The following SCARA5 variants were observed in gnomAD, a reference collection of about 807,000 sequenced individuals.
The protein encoded by SCARA5 is scavenger receptor class A, member 5 (putative).
In SCARA5, 45 loss-of-function variants were observed where a neutral mutation model predicts 46.3. The ratio of observed to expected loss-of-function variants is 0.97; its 90% confidence interval spans 0.76 to 1.24. The LOEUF is 1.24. Among genes scored for constraint, SCARA5 ranks in the 50% most tolerant of loss-of-function variants. The pLI is 0.00. For synonymous variants in SCARA5, 333 were observed against 306.5 expected (o/e 1.09, Z -0.90); for missense variants, 680 against 689.0 (o/e 0.99, Z 0.15).
At chr8:27,950,761 G>A (rs370970556) in intron 3 of SCARA5, among the ~76,000 whole-genome samples, 5 of 151,964 alleles carry the variant, frequency 3.3e-5, no homozygotes, top group African/African-American at 7.3e-5. Flanking sequence ...GCAATGCCTC[G>A]GAATCCAGTG....
intron 2 of SCARA5, among the ~76,000 whole-genome samples, chr8:27,977,948 C>T (rs906144314): frequency 7.9e-5 from 12 of 150,968 alleles, no homozygotes; most frequent in African/African-American, 2.7e-4. Flanking sequence ...AATTACATGT[C>T]AAAATGATAA....
intron 3 of SCARA5, among the ~76,000 whole-genome samples, chr8:27,929,283 T>C (rs1035763516): frequency 1.1e-4 from 16 of 142,240 alleles, no homozygotes; most frequent in African/African-American, 3.0e-4. Context: ...TCTTCTCTAA[T>C]TGTCCTTTAT....
chr8:27,956,321 G>C (rs1475640284), intron 3 of SCARA5, among the ~76,000 whole-genome samples: 1 of 152,096 alleles, frequency 6.6e-6, no homozygotes, highest in East Asian at 1.9e-4. Flanking sequence ...TATATAAAAG[G>C]AGAGAAAAGG....
At chr8:27,958,491 G>A (rs749448407) in intron 3 of SCARA5, among the ~76,000 whole-genome samples, 3 of 152,216 alleles carry the variant, frequency 2.0e-5, no homozygotes, top group Non-Finnish European at 4.4e-5. Flanking sequence ...AGGATACAAG[G>A]GGTGAAATGC....
chr8:27,882,400 G>A (rs931154387), intron 7 of SCARA5, among the ~76,000 whole-genome samples: 6 of 152,198 alleles, frequency 3.9e-5, no homozygotes, highest in African/African-American at 1.2e-4. Flanking sequence ...GCTCATTTGG[G>A]TAAATATCAA....
At chr8:27,979,750 A>C (rs7832350) in intron 2 of SCARA5, among the ~76,000 whole-genome samples, 1 of 151,712 alleles carries the variant, frequency 6.6e-6, no homozygotes, top group East Asian at 1.9e-4. Flanking sequence ...TAGTAGAGAC[A>C]GGGTTCCACC....
chr8:27,910,854 G>T (rs189487284), intron 4 of SCARA5, among the ~76,000 whole-genome samples: 1 of 152,336 alleles, frequency 6.6e-6, no homozygotes, highest in East Asian at 1.9e-4. Context: ...CTCCAGGCTG[G>T]GTCTCCCATG....
intron 1 of SCARA5, among the ~76,000 whole-genome samples, chr8:27,991,057 C>T (rs745512219): frequency 2.1e-4 from 32 of 152,374 alleles, no homozygotes; most frequent in Middle Eastern, 3.4e-3. Flanking sequence ...GCCATCTGCG[C>T]CCTGCAGGCC....
intron 2 of SCARA5, among the ~76,000 whole-genome samples, chr8:27,974,661 T>C (rs1343834900): frequency 6.6e-6 from 1 of 151,360 alleles, no homozygotes; most frequent in Non-Finnish European, 1.5e-5. Context: ...TGGTTACTCA[T>C]CACTCACATT....
intron 3 of SCARA5, among the ~76,000 whole-genome samples, chr8:27,954,345 T>A (rs886310442): frequency 2.0e-5 from 3 of 152,082 alleles, no homozygotes; most frequent in Non-Finnish European, 4.4e-5. Flanking sequence ...TTAAGGAAAT[T>A]GAGAGAATGT....
At chr8:27,905,515 C>G (rs912155376) in intron 6 of SCARA5, among the ~76,000 whole-genome samples, 1 of 32,788 alleles carries the variant, frequency 3.0e-5, no homozygotes, top group Non-Finnish European at 8.3e-5. Flanking sequence ...CCAGGATGAT[C>G]CAAGATTTGG....
At position 27,892,329 on chromosome 8, in the gene SCARA5, T is replaced by A. The variant is rs1401600164; in HGVS notation, c.1153+12449A>T. ...TGGTTATCCCAAATCTCCTTGCATA[T>A]CCTCATTACTTGAAATGACCCGGAT... On this transcript the variant is annotated intron_variant, in intron 7 of 8. Coordinates refer to ENST00000354914, the MANE Select transcript of SCARA5 (RefSeq NM_173833.6). Among the ~76,000 whole-genome samples, 4 of 152,272 alleles carry A rather than the reference T, an allele frequency of 2.6e-5. No homozygotes were observed. The South Asian group carries it at 8.3e-4, about 32-fold the overall frequency.
chr8:27,936,050 G>A lies in SCARA5; in HGVS notation c.242-13805C>T, dbSNP rs527786860. Among the ~76,000 whole-genome samples the A allele has an allele frequency of 2.9e-3, 446 of 152,064 alleles. 3 individuals carry two copies. The highest frequency in any genetic ancestry group is 1.0e-2 in the African/African-American group (414 of 41,480). ...GACTTCTCCCAGATGCCTATGCCCC[G>A]CCAGCCCCTGCCCAGAATTAGGAGG... is the stretch of plus-strand genomic sequence containing the variant. On this transcript the variant is annotated intron_variant, in intron 3 of 8. Coordinates refer to ENST00000354914, the MANE Select transcript of SCARA5 (RefSeq NM_173833.6).
chr8:27,891,077 A>G (rs1345434367), intron 7 of SCARA5, among the ~76,000 whole-genome samples: 1 of 152,170 alleles, frequency 6.6e-6, no homozygotes, highest in Non-Finnish European at 1.5e-5. Context: ...TGGGCCTCTC[A>G]GGGTTGTTGA....
At chr8:27,940,869 A>C (rs901433782) in intron 3 of SCARA5, among the ~76,000 whole-genome samples, 5 of 152,050 alleles carry the variant, frequency 3.3e-5, no homozygotes, top group African/African-American at 1.2e-4. Flanking sequence ...CCAATTAAAA[A>C]CACTAACACT....
chr8:27,956,241 C>T (rs1808204430), intron 3 of SCARA5, among the ~76,000 whole-genome samples: 1 of 152,152 alleles, frequency 6.6e-6, no homozygotes, highest in Non-Finnish European at 1.5e-5. Flanking sequence ...GCTCACATCA[C>T]ACCATTACGC....
At chr8:27,976,441 A>G (rs1808525251) in intron 2 of SCARA5, among the ~76,000 whole-genome samples, 1 of 152,080 alleles carries the variant, frequency 6.6e-6, no homozygotes, top group Admixed American at 6.5e-5. Flanking sequence ...CCCTTTGTCA[A>G]TGACAATAAG....
chr8:27,893,847 C>A (rs1396010577), intron 7 of SCARA5, among the ~76,000 whole-genome samples: 1 of 152,234 alleles, frequency 6.6e-6, no homozygotes, highest in African/African-American at 2.4e-5. Context: ...TTCAGCGCAA[C>A]TGAGCAAGTG....
intron 1 of SCARA5, among the ~76,000 whole-genome samples, chr8:27,991,413 A>T (rs998448307): frequency 6.6e-6 from 1 of 152,182 alleles, no homozygotes; most frequent in African/African-American, 2.4e-5. Context: ...CAGTCTCAGA[A>T]ACAAAGCTGT....
Sources: gnomAD v4.1 joint callset for allele counts (sites outside exome capture counted in the v4.1 genomes callset) on GRCh38, gnomAD v4.1.1 for gene constraint, MANE v1.5 for transcripts, NCBI Gene and HGNC (gene_info 2026-07-23, HGNC 2026-07-21) for gene names.